ZNF493: variants seen among roughly 807,000 people sequenced by gnomAD.
ZNF493 encodes zinc finger protein 493.
Under a neutral mutation model 12.2 loss-of-function variants are expected in ZNF493, and 11 were observed. That is an observed-to-expected ratio of 0.90 (90% CI 0.57 to 1.50). The LOEUF is 1.50. Ranked by LOEUF, ZNF493 falls within the 40% of genes most tolerant of loss-of-function variation. The pLI, the probability that ZNF493 is intolerant of heterozygous loss-of-function variation, is 0.00. For synonymous variants in ZNF493, 286 were observed against 302.6 expected, an observed-to-expected ratio of 0.95 and a Z score of 0.57; for missense variants, 950 against 906.6, an observed-to-expected ratio of 1.05 and a Z score of -0.61.
rs1284367630 is a variant in ZNF493 at position 21,405,256 on chromosome 19, G to A, written c.157+1G>A. On this transcript the variant is annotated splice_donor_variant, in intron 2 of 3. Coordinates refer to ENST00000392288, the MANE Select transcript of ZNF493 (RefSeq NM_001076678.3). LOFTEE classifies it high-confidence loss of function. ...AACTACAGAAACCTGGTCTTCTTGG[G>A]TGAGAATAACTTTAATACAAAATCC... is the stretch of plus-strand genomic sequence containing the variant. The A allele has an allele frequency of 1.2e-6, 2 of 1,611,740 alleles. No individual in the cohort carries two copies. Among genetic ancestry groups the A allele is most frequent in the South Asian group, 1.1e-5 (1 of 90,616 alleles).
rs1029358702 is a variant in ZNF493 at position 21,405,540 on chromosome 19, A to G, written c.158-221A>G. The G allele has an allele frequency of 1.9e-5, 25 of 1,299,392 alleles. No homozygotes were observed. In the African/African-American group the frequency reaches 2.9e-4, roughly 15 times the overall value. 80.5% of individuals were successfully genotyped at this position (1,299,392 alleles called of 1,614,324 possible). A position where few individuals can be genotyped will look rare whatever the true frequency, so the allele number is the denominator to read the frequency against. On this transcript the variant is annotated intron_variant, in intron 2 of 3. Transcript: ENST00000392288. ...TATTGTTGTCCATATGTTAAAATCT[A>G]TATGCCACCACTAATTTTTTATCCA...
intron 1 of ZNF493, among the ~76,000 whole-genome samples, chr19:21,400,104 A>T (rs1237080523): frequency 6.6e-6 from 1 of 152,144 alleles, no homozygotes; most frequent in African/African-American, 2.4e-5. Context: ...TGCTTTTCTT[A>T]TTAAGGTATA....
Position 21,424,011 on chromosome 19 carries a change from A to G in ZNF493, c.1352A>G (p.His451Arg), listed in dbSNP as rs1036271322. 6.2e-7 allele frequency: 1 copy of G among 1,613,518 alleles called. No individual in the cohort carries two copies. The highest frequency in any genetic ancestry group is 1.3e-5 in the African/African-American group (1 of 75,034). ...AGTGTATTCTCAATTCTTACTAAAC[A>G]TAAAATAATTCATACAGAAGAGAAA... ...TFSVFSILTK[H>R]KIIHTEEKPY... The change falls in exon 4 of 4, where the codon CAT becomes CGT. Residue 451 changes from histidine (H) to arginine (R), a missense_variant. By Grantham distance (29) the His-to-Arg change is conservative. Transcript: ENST00000392288.
chr19:21,410,922 A>G (rs2145284030), intron 3 of ZNF493, among the ~76,000 whole-genome samples: 1 of 152,128 alleles, frequency 6.6e-6, no homozygotes, highest in South Asian at 2.1e-4. Context: ...CCTCCCAAGT[A>G]GCTGGGATTA....
intron 1 of ZNF493, chr19:21,398,553 G>GTTATGTTAGCTAGAGTGACCAT (rs1974209380): frequency 2.8e-6 from 1 of 360,008 alleles, no homozygotes; most frequent in South Asian, 2.1e-5. Flanking sequence ...TAACTGCCAT[G>GTTATGTTAGCTAGAGTGACCAT]GTTATGTTAG....
chr19:21,420,107 G>C (rs1183857168), intron 3 of ZNF493, among the ~76,000 whole-genome samples: 2 of 113,072 alleles, frequency 1.8e-5, no homozygotes, highest in Non-Finnish European at 4.7e-5. Context: ...CCCAGACACT[G>C]AATCTGTAGC....
intron 3 of ZNF493, among the ~76,000 whole-genome samples, chr19:21,418,056 C>T (rs887253830): frequency 6.6e-6 from 1 of 152,180 alleles, no homozygotes; most frequent in Admixed American, 6.5e-5. Context: ...ACTCTCTCGT[C>T]TAGCTTGCTG....
At position 21,423,604 on chromosome 19, in the gene ZNF493, T is replaced by G. The variant is rs146059686; in HGVS notation, c.945T>G (p.His315Gln). 1 of 1,609,456 alleles carries G rather than the reference T, an allele frequency of 6.2e-7. No individual in the cohort carries two copies. The highest frequency in any genetic ancestry group is 1.4e-5 in the African/African-American group (1 of 71,728). The change falls in exon 4 of 4, where the codon CAT becomes CAG. Residue 315 changes from histidine (H) to glutamine (Q), a missense_variant. His to Gln is a conservative substitution (Grantham distance 24). Transcript: ENST00000392288. ...CCCTTACTGGACATAAGATAATTCATAATGGAGAAAAACCCTATAAATGTG... is the reference window on the plus strand; with the variant it reads ...CCCTTACTGGACATAAGATAATTCAGAATGGAGAAAAACCCTATAAATGTG... ...SSTLTGHKII[H>Q]NGEKPYKCEE...
chr19:21,403,666 T>C (rs570175983), intron 1 of ZNF493, among the ~76,000 whole-genome samples: 1 of 152,352 alleles, frequency 6.6e-6, no homozygotes, highest in South Asian at 2.1e-4. Context: ...GCTTTTTTTT[T>C]CAGCTAAATA....
intron 3 of ZNF493, among the ~76,000 whole-genome samples, chr19:21,411,113 A>G (rs533354136): frequency 6.6e-6 from 1 of 152,200 alleles, no homozygotes; most frequent in Non-Finnish European, 1.5e-5. Context: ...ATTTTTTTGT[A>G]AATTTTGTGA....
intron 3 of ZNF493, chr19:21,414,774 A>G (rs1404998392): frequency 6.6e-6 from 1 of 152,208 alleles, no homozygotes; most frequent in Non-Finnish European, 1.5e-5. Context: ...TCCAGCCAGA[A>G]TAAGAAGCTT....
rs765851359 is a variant in ZNF493, at chr19:21,424,326, G to A, written c.1667G>A (p.Arg556Gln). The A allele has an allele frequency of 1.3e-5, 21 of 1,609,876 alleles. No homozygotes were observed. The highest frequency in any genetic ancestry group is 1.7e-4 in the Middle Eastern group (1 of 6,028). The change falls in exon 4 of 4, where the codon CGG (arginine) becomes CAG (glutamine). Residue 556 changes from arginine to glutamine, a missense_variant. Arg to Gln is a conservative substitution (Grantham distance 43, BLOSUM62 1). Coordinates refer to ENST00000392288, the MANE Select transcript of ZNF493 (RefSeq NM_001076678.3). ...GAAGAATGTGGCAAAGCTTTTAATC[G>A]GTCCTCACACCTTACTACACATAAG... ...KCEECGKAFN[R>Q]SSHLTTHKRI...
chr19:21,423,389 A>T lies in ZNF493; in HGVS notation c.730A>T (p.Lys244Ter). The T allele has an allele frequency of 1.2e-6, 2 of 1,613,594 alleles. No homozygotes were observed. Among genetic ancestry groups the T allele is most frequent in the Non-Finnish European group, 1.7e-6 (2 of 1,179,822 alleles). ...GAAATCCTACAAATATGAATGTGGC[A>T]AATCTTTTAACCAGGACTCAAACCT... Reference protein sequence around the residue: ...GEKSYKYECGKSFNQDSNLTT... With the variant: ...GEKSYKYECG Residue 244 changes from lysine to a stop codon, truncating the protein, a stop_gained, in exon 4 of 4, where the codon AAA becomes TAA. Coordinates refer to ENST00000392288, the MANE Select transcript of ZNF493 (RefSeq NM_001076678.3). LOFTEE classifies it low-confidence loss of function (END_TRUNC).
chr19:21,399,319 C>G (rs1242767554), intron 1 of ZNF493, among the ~76,000 whole-genome samples: 1 of 152,028 alleles, frequency 6.6e-6, no homozygotes, highest in Non-Finnish European at 1.5e-5. Flanking sequence ...TGACACCATG[C>G]CCGGCTAATT....
intron 1 of ZNF493, 82 bp from the exon 2 acceptor site, chr19:21,405,047 A>C: frequency 6.5e-7 from 1 of 1,535,748 alleles, no homozygotes; most frequent in Non-Finnish European, 8.7e-7. Flanking sequence ...TTACTTTCTC[A>C]TTTGACCTTA....
intron 3 of ZNF493, chr19:21,413,400 G>T: frequency 2.5e-6 from 1 of 406,502 alleles, no homozygotes; most frequent in South Asian, 1.1e-4. Context: ...TCATGGCAAT[G>T]GTGATAACTG....
chr19:21,424,515 A>C lies in ZNF493; in HGVS notation c.1856A>C (p.His619Pro), dbSNP rs752802957. The change falls in exon 4 of 4, where the codon CAT (histidine) becomes CCT (proline). Residue 619 changes from histidine to proline, a missense_variant. By Grantham distance (77) the His-to-Pro change is moderately conservative. Coordinates refer to ENST00000392288, the MANE Select transcript of ZNF493 (RefSeq NM_001076678.3). ...AFNRSSILSIHKKIHTGEKPY... is the reference protein window; with the variant it reads ...AFNRSSILSIPKKIHTGEKPY... ...AACCGATCTTCAATCCTTAGTATAC[A>C]TAAGAAAATTCATACTGGAGAAAAA... The C allele has an allele frequency of 3.7e-6, 6 of 1,613,468 alleles. No homozygotes were observed. Among genetic ancestry groups the C allele is most frequent in the Non-Finnish European group, 5.1e-6 (6 of 1,179,770 alleles).
At chr19:21,405,003 T>C in intron 1 of ZNF493, 126 bp from the exon 2 acceptor site, 1 of 1,462,034 alleles carries the variant, frequency 6.8e-7, no homozygotes, top group South Asian at 1.5e-5. Context: ...GTTGGATAAT[T>C]TCAGTCATTC....
rs1011455571 is a variant in ZNF493, at chr19:21,410,111, T to C, written c.253+4255T>C. On this transcript the variant is annotated intron_variant, in intron 3 of 3. Coordinates refer to ENST00000392288, the MANE Select transcript of ZNF493 (RefSeq NM_001076678.3). ...ATATATGCAACACTTTTGATGTGTT[T>C]ATAAATCAAGAGACATCTGAGTTGT... Among the ~76,000 whole-genome samples the C allele has an allele frequency of 4.5e-4, 68 of 149,982 alleles. 1 individual carries two copies. The highest frequency in any genetic ancestry group is 1.5e-3 in the African/African-American group (63 of 41,014).
Sources: allele counts gnomAD v4.1 joint callset (sites outside exome capture counted in the v4.1 genomes callset), GRCh38; gene constraint gnomAD v4.1.1; transcripts MANE v1.5; gene names NCBI Gene and HGNC (gene_info 2026-07-23, HGNC 2026-07-21).